The following PITPNB variants were observed in gnomAD, a reference collection of about 807,000 sequenced individuals.
PITPNB encodes phosphatidylinositol transfer protein beta isoform.
A neutral mutation model predicts 45.9 loss-of-function variants in PITPNB; 16 were observed. That is an observed-to-expected ratio of 0.35 (90% CI 0.24 to 0.53). The LOEUF (loss-of-function observed/expected upper bound fraction) is 0.53, where lower values mean the gene tolerates loss of function less well. PITPNB is among the 20% of genes least tolerant of loss of function. PITPNB has a pLI of 0.93. For missense variants in PITPNB, 188 were observed against 330.5 expected (o/e 0.57, Z 3.34); for synonymous variants, 112 against 108.9 (o/e 1.03, Z -0.18).
At chr22:27,908,639 T>G (rs1429017663) in intron 3 of PITPNB, among the ~76,000 whole-genome samples, 1 of 152,110 alleles carries the variant, frequency 6.6e-6, no homozygotes, top group Admixed American at 6.5e-5. Context: ...TATACTTCAA[T>G]TAACAGGTAA....
At chr22:27,908,320 G>A (rs1481063661) in intron 3 of PITPNB, among the ~76,000 whole-genome samples, 2 of 142,678 alleles carry the variant, frequency 1.4e-5, no homozygotes, top group East Asian at 4.4e-4. Flanking sequence ...ACATCTTAAT[G>A]TACCTCTTTT....
chr22:27,913,415 G>C (rs1412325335), intron 2 of PITPNB, among the ~76,000 whole-genome samples: 2 of 152,214 alleles, frequency 1.3e-5, no homozygotes, highest in African/African-American at 4.8e-5. Context: ...TGAGCAAATG[G>C]GAACTGTGTG....
intron 3 of PITPNB, among the ~76,000 whole-genome samples, chr22:27,908,646 G>T (rs1935831654): frequency 6.6e-6 from 1 of 151,918 alleles, no homozygotes; most frequent in Non-Finnish European, 1.5e-5. Context: ...CAATTAACAG[G>T]TAAATGCAAA....
chr22:27,875,971 T>A (rs566836779), intron 7 of PITPNB, among the ~76,000 whole-genome samples: 7 of 152,322 alleles, frequency 4.6e-5, no homozygotes, highest in Non-Finnish European at 8.8e-5. Flanking sequence ...AACACACTTT[T>A]AAAATGAATT....
At chr22:27,871,085 G>A (rs1934646899) in intron 8 of PITPNB, among the ~76,000 whole-genome samples, 1 of 152,178 alleles carries the variant, frequency 6.6e-6, no homozygotes, top group South Asian at 2.1e-4. Flanking sequence ...TCTGCAATCT[G>A]CAGAAATACA....
chr22:27,897,731 A>G (rs888438466), intron 4 of PITPNB, 70 bp downstream of exon 4: 2 of 993,224 alleles, frequency 2.0e-6, no homozygotes, highest in Non-Finnish European at 1.6e-6. Flanking sequence ...CTTCTCAAAG[A>G]CACTGGTACT....
intron 3 of PITPNB, among the ~76,000 whole-genome samples, chr22:27,900,228 A>G (rs1935554412): frequency 6.6e-6 from 1 of 151,952 alleles, no homozygotes; most frequent in Non-Finnish European, 1.5e-5. Flanking sequence ...AAAAAAAAGA[A>G]AGAAAAAACA....
chr22:27,885,668 T>C (rs1175063540), intron 7 of PITPNB, among the ~76,000 whole-genome samples: 1 of 152,196 alleles, frequency 6.6e-6, no homozygotes, highest in Non-Finnish European at 1.5e-5. Context: ...AGCCACTGTG[T>C]CTGGCCAAAA....
intron 8 of PITPNB, 61 bp downstream of exon 8, chr22:27,873,677 A>G: frequency 1.0e-6 from 1 of 988,390 alleles, no homozygotes; most frequent in Non-Finnish European, 1.6e-6. Context: ...TTCAAGACTC[A>G]GGACCTGTCA....
intron 8 of PITPNB, among the ~76,000 whole-genome samples, chr22:27,872,925 T>C (rs1934710157): frequency 6.6e-6 from 1 of 152,252 alleles, no homozygotes; most frequent in African/African-American, 2.4e-5. Flanking sequence ...ATTATTACCT[T>C]GACATTACCT....
At chr22:27,907,659 T>C (rs980898393) in intron 3 of PITPNB, among the ~76,000 whole-genome samples, 39 of 152,114 alleles carry the variant, frequency 2.6e-4, no homozygotes, top group Non-Finnish European at 5.4e-4. Context: ...CAACCTTCTA[T>C]GGGAATCAAC....
chr22:27,880,284 C>T (rs1036405766), intron 7 of PITPNB, among the ~76,000 whole-genome samples: 1 of 152,152 alleles, frequency 6.6e-6, no homozygotes, highest in Non-Finnish European at 1.5e-5. Flanking sequence ...CCTGAAGGGA[C>T]GCTTGCTCCC....
intron 3 of PITPNB, among the ~76,000 whole-genome samples, chr22:27,908,371 T>C (rs1935825032): frequency 6.7e-6 from 1 of 150,226 alleles, no homozygotes; most frequent in African/African-American, 2.4e-5. Context: ...ACACATGTAA[T>C]GTATTATGTA....
chr22:27,881,535 GA>G (rs1270204341), intron 7 of PITPNB, among the ~76,000 whole-genome samples: 1 of 152,214 alleles, frequency 6.6e-6, no homozygotes, highest in Non-Finnish European at 1.5e-5. Context: ...TCATGCTGAA[GA>G]AAACAACCAA....
chr22:27,853,920 G>A (rs1183370147), intron 11 of PITPNB, among the ~76,000 whole-genome samples: 2 of 144,510 alleles, frequency 1.4e-5, no homozygotes, highest in Admixed American at 7.2e-5. Context: ...TTTAACAAAA[G>A]TAACAATAAC....
rs1936167652 is a variant in PITPNB, at chr22:27,918,733, C to T, written c.20+439G>A. ...GCCTTCAACCGGCAAGCCCATCTCC[C>T]GCTGGTTACCAGGGGACTCCACCCC... On this transcript the variant is annotated intron_variant, in intron 1 of 11. Coordinates refer to ENST00000335272, the MANE Select transcript of PITPNB (RefSeq NM_012399.5). 2.6e-5 allele frequency among the ~76,000 whole-genome samples: 4 copies of T among 152,200 alleles called. No homozygotes were observed. The South Asian group carries it at 6.2e-4, about 24-fold the overall frequency.
At chr22:27,861,623 C>T (rs1359906047) in intron 8 of PITPNB, among the ~76,000 whole-genome samples, 3 of 152,106 alleles carry the variant, frequency 2.0e-5, no homozygotes, top group East Asian at 1.9e-4. Flanking sequence ...CTCAGGGGCT[C>T]GGTCTACTAC....
intron 10 of PITPNB, among the ~76,000 whole-genome samples, chr22:27,855,931 C>T (rs1934160175): frequency 6.6e-6 from 1 of 152,208 alleles, no homozygotes; most frequent in South Asian, 2.1e-4. Context: ...GATGCCTCTT[C>T]AGGAGGCAGG....
At chr22:27,853,823 G>A (rs1934094802) in intron 11 of PITPNB, among the ~76,000 whole-genome samples, 160 bp from the exon 12 acceptor site, 2 of 152,062 alleles carry the variant, frequency 1.3e-5, no homozygotes. Context: ...AAAAGATTTT[G>A]GTCTTACTAC....
Sources: allele counts gnomAD v4.1 joint callset (sites outside exome capture counted in the v4.1 genomes callset), GRCh38; gene constraint gnomAD v4.1.1; transcripts MANE v1.5; gene names NCBI Gene and HGNC (gene_info 2026-07-23, HGNC 2026-07-21).